Variants in KPNA3 observed in about 807,000 individuals in gnomAD.
KPNA3 encodes importin subunit alpha-4.
Under a neutral mutation model 73.8 loss-of-function variants are expected in KPNA3, and 13 were observed. That is an observed-to-expected ratio of 0.18 (90% CI 0.11 to 0.28). The LOEUF (loss-of-function observed/expected upper bound fraction) is 0.28. KPNA3 is among the 10% of genes least tolerant of loss of function. KPNA3 has a pLI of 1.00. For missense variants in KPNA3, 360 were observed against 618.1 expected (o/e 0.58, Z 4.43); for synonymous variants, 186 against 206.9 (o/e 0.90, Z 0.87).
intron 1 of KPNA3, among the ~76,000 whole-genome samples, chr13:49,787,839 C>G (rs1954997304): frequency 1.3e-5 from 2 of 152,118 alleles, no homozygotes; most frequent in South Asian, 4.1e-4. Context: ...GCCACCATGC[C>G]CGGCTAATTT....
intron 1 of KPNA3, among the ~76,000 whole-genome samples, chr13:49,764,186 T>C (rs1266115973): frequency 6.6e-6 from 1 of 152,020 alleles, no homozygotes; most frequent in East Asian, 1.9e-4. Context: ...TTCCTTCTTA[T>C]ATAGTCCTCA....
At chr13:49,728,140 CAGG>C (rs1006280701) in intron 6 of KPNA3, among the ~76,000 whole-genome samples, 37 of 150,650 alleles carry the variant, frequency 2.5e-4, no homozygotes, top group African/African-American at 8.1e-4. Flanking sequence ...GAGGCTGAGG[CAGG>C]AGAATGGTGT....
intron 1 of KPNA3, among the ~76,000 whole-genome samples, chr13:49,764,753 TAA>T (rs879573361): frequency 2.2e-4 from 31 of 141,734 alleles, no homozygotes; most frequent in Non-Finnish European, 2.5e-4. Flanking sequence ...GTCTTTCACT[TAA>T]AAAAAAAAAA....
intron 1 of KPNA3, among the ~76,000 whole-genome samples, chr13:49,777,652 C>A (rs1023449972): frequency 2.3e-4 from 35 of 150,218 alleles, no homozygotes; most frequent in African/African-American, 8.0e-4. Context: ...AGGCACACGA[C>A]AATGCACCCA....
intron 6 of KPNA3, among the ~76,000 whole-genome samples, chr13:49,730,558 A>C (rs1954455615): frequency 7.3e-6 from 1 of 137,838 alleles, no homozygotes. Flanking sequence ...AAAAAAAAGA[A>C]CAACTGGAGG....
At chr13:49,756,112 A>T (rs1234870938) in intron 1 of KPNA3, among the ~76,000 whole-genome samples, 2 of 152,204 alleles carry the variant, frequency 1.3e-5, no homozygotes, top group African/African-American at 4.8e-5. Flanking sequence ...TACAAAAAAA[A>T]GCAAAAAAAA....
At chr13:49,709,783 A>T in intron 11 of KPNA3, 83 bp from the exon 12 acceptor site, 1 of 1,329,462 alleles carries the variant, frequency 7.5e-7, no homozygotes, top group Non-Finnish European at 1.0e-6. Flanking sequence ...GAGAAAAAGT[A>T]AAAATGCAAG....
At chr13:49,786,831 A>G (rs1332908291) in intron 1 of KPNA3, among the ~76,000 whole-genome samples, 1 of 152,226 alleles carries the variant, frequency 6.6e-6, no homozygotes, top group Non-Finnish European at 1.5e-5. Flanking sequence ...CATAAACAGG[A>G]AAGTAACACA....
At chr13:49,783,963 C>T (rs1954961080) in intron 1 of KPNA3, among the ~76,000 whole-genome samples, 1 of 152,138 alleles carries the variant, frequency 6.6e-6, no homozygotes, top group Non-Finnish European at 1.5e-5. Context: ...AATCAAACTT[C>T]CAGTTTAGAC....
At chr13:49,768,261 A>G (rs1329408421) in intron 1 of KPNA3, among the ~76,000 whole-genome samples, 1 of 141,328 alleles carries the variant, frequency 7.1e-6, no homozygotes, top group African/African-American at 2.7e-5. Context: ...CCTGGGCAAC[A>G]GTGCGAGACT....
chr13:49,731,005 C>T (rs992524341), intron 6 of KPNA3, among the ~76,000 whole-genome samples: 2 of 151,808 alleles, frequency 1.3e-5, no homozygotes, highest in African/African-American at 4.8e-5. Flanking sequence ...TGGTCTCGAT[C>T]TCCTGACCTC....
chr13:49,735,609 T>C (rs1173964678), intron 2 of KPNA3, among the ~76,000 whole-genome samples: 5 of 152,154 alleles, frequency 3.3e-5, no homozygotes. Context: ...ATACTTTTCT[T>C]TTGTCAGGTG....
At chr13:49,714,784 T>G (rs182128726) in intron 10 of KPNA3, among the ~76,000 whole-genome samples, 10 of 152,158 alleles carry the variant, frequency 6.6e-5, no homozygotes, top group Non-Finnish European at 7.4e-5. Flanking sequence ...ATAATTAAAT[T>G]TAATATTAAT....
intron 6 of KPNA3, among the ~76,000 whole-genome samples, chr13:49,728,234 CAAA>C (rs60821750): frequency 1.4e-4 from 9 of 63,322 alleles, no homozygotes; most frequent in African/African-American, 1.6e-4. Flanking sequence ...GACTCTGTCT[CAAA>C]AAAAAAAAAA....
At chr13:49,731,200 A>G in intron 6 of KPNA3, among the ~76,000 whole-genome samples, 1 of 150,554 alleles carries the variant, frequency 6.6e-6, no homozygotes, top group African/African-American at 2.4e-5. Context: ...TCAGCCTCCC[A>G]AGTAGCTGGG....
chr13:49,746,833 T>C (rs1361949361), intron 2 of KPNA3, 116 bp downstream of exon 2: 22 of 696,286 alleles, frequency 3.2e-5, no homozygotes, highest in Non-Finnish European at 5.1e-5. Flanking sequence ...TATCCAGTGA[T>C]GTGTGGTTTT....
At chr13:49,763,171 A>G (rs2137585776) in intron 1 of KPNA3, among the ~76,000 whole-genome samples, 1 of 152,300 alleles carries the variant, frequency 6.6e-6, no homozygotes, top group East Asian at 1.9e-4. Flanking sequence ...GCAAGCCAGA[A>G]GAAATGATCA....
At chr13:49,755,922 A>G (rs1041034997) in intron 1 of KPNA3, among the ~76,000 whole-genome samples, 2 of 152,228 alleles carry the variant, frequency 1.3e-5, no homozygotes, top group African/African-American at 4.8e-5. Flanking sequence ...CAACATAAAA[A>G]TCAATTATAT....
intron 1 of KPNA3, among the ~76,000 whole-genome samples, chr13:49,775,049 G>T (rs1271457689): frequency 1.3e-5 from 2 of 151,474 alleles, no homozygotes; most frequent in African/African-American, 4.9e-5. Context: ...AGCTCCTTGG[G>T]AGGCTGAGGC....
Sources: gnomAD v4.1 joint callset for allele counts (sites outside exome capture counted in the v4.1 genomes callset) on GRCh38, gnomAD v4.1.1 for gene constraint, MANE v1.5 for transcripts, NCBI Gene and HGNC (gene_info 2026-07-23, HGNC 2026-07-21) for gene names.